The following SYNDIG1L variants were observed in gnomAD, a reference collection of about 807,000 sequenced individuals.
The protein encoded by SYNDIG1L is synapse differentiation-inducing gene protein 1-like.
SYNDIG1L carries 13 observed loss-of-function variants against 20.1 expected under a neutral mutation model. The ratio of observed to expected loss-of-function variants is 0.65; its 90% CI spans 0.42 to 1.03. The LOEUF (loss-of-function observed/expected upper bound fraction) is 1.03, where lower values mean the gene tolerates loss of function less well. SYNDIG1L is among the 50% of genes least tolerant of loss of function. The pLI is 0.00. For missense variants in SYNDIG1L, 294 were observed against 305.1 expected, an observed-to-expected ratio of 0.96 and a Z score of 0.27; for synonymous variants, 128 against 129.3, an observed-to-expected ratio of 0.99 and a Z score of 0.07.
At chr14:74,422,556 C>A (rs952877524) in intron 1 of SYNDIG1L, among the ~76,000 whole-genome samples, 1 of 151,840 alleles carries the variant, frequency 6.6e-6, no homozygotes, top group Non-Finnish European at 1.5e-5. Context: ...CAGTGATGTG[C>A]AGATATCTCT....
rs2086175615 is a variant in SYNDIG1L, at chr14:74,416,477, T to TA, written c.-57-6677dup. On this transcript the variant is annotated intron_variant, in intron 1 of 3. Coordinates refer to ENST00000331628, the MANE Select transcript of SYNDIG1L (RefSeq NM_001105579.2). ...AATGAAACCCCATCTCTACAAAAAA[T>TA]AAAAAAATCAATCAGGTGTGGTGGT... Among the ~76,000 whole-genome samples, 3 of 151,904 alleles carry TA rather than the reference T, an allele frequency of 2.0e-5. No homozygotes were observed. The South Asian group carries it at 6.2e-4, about 32-fold the overall frequency.
the SYNDIG1L span, among the ~76,000 whole-genome samples, chr14:74,470,504 G>T: frequency 5.3e-5 from 8 of 152,304 alleles, no homozygotes; most frequent in African/African-American, 1.9e-4. Context: ...AAATGAAGGC[G>T]GTAGGCATAG....
chr14:74,445,272 T>A, the SYNDIG1L span, among the ~76,000 whole-genome samples: 5 of 152,288 alleles, frequency 3.3e-5, no homozygotes, highest in African/African-American at 1.2e-4. Flanking sequence ...TTATGCTTTG[T>A]GTACAGACTG....
the SYNDIG1L span, among the ~76,000 whole-genome samples, chr14:74,441,029 A>T: frequency 2.6e-5 from 4 of 152,350 alleles, no homozygotes; most frequent in South Asian, 8.3e-4. Context: ...TGTATAAACA[A>T]GAAAAGATAA....
At chr14:74,420,878 C>T (rs1000327462) in intron 1 of SYNDIG1L, among the ~76,000 whole-genome samples, 5 of 152,292 alleles carry the variant, frequency 3.3e-5, no homozygotes, top group African/African-American at 1.2e-4. Flanking sequence ...GTAAGAACAA[C>T]TCCCATTCAG....
At position 74,407,170 on chromosome 14, in the gene SYNDIG1L, C is replaced by A; in HGVS notation, c.*365G>T. 3.4e-6 allele frequency: 1 copy of A among 289,976 alleles called. No homozygotes were observed. Among genetic ancestry groups the A allele is most frequent in the South Asian group, 4.1e-5 (1 of 24,386 alleles). The allele number at this position is 289,976 out of a possible 1,614,324, so 18.0% of individuals were successfully genotyped here. On this transcript the variant is annotated 3_prime_UTR_variant, in exon 4 of 4. Coordinates refer to ENST00000331628, the MANE Select transcript of SYNDIG1L (RefSeq NM_001105579.2). ...TTCTCCCTGTAACCTCCTGCTCTTT[C>A]TCTGTGGGGAGGTTGGCAGGGTAGG...
At chr14:74,478,663 T>C in the SYNDIG1L span, among the ~76,000 whole-genome samples, 1 of 152,200 alleles carries the variant, frequency 6.6e-6, no homozygotes, top group African/African-American at 2.4e-5. Context: ...ATTGAGCTTT[T>C]CCAGGCCTTT....
At chr14:74,449,209 G>T in the SYNDIG1L span, among the ~76,000 whole-genome samples, 1 of 151,168 alleles carries the variant, frequency 6.6e-6, no homozygotes, top group East Asian at 1.9e-4. Context: ...GTCCAGCTTG[G>T]GTGACAGAGC....
upstream of SYNDIG1L, among the ~76,000 whole-genome samples, chr14:74,430,302 TG>T (rs918535285): frequency 6.6e-6 from 1 of 152,124 alleles, no homozygotes; most frequent in African/African-American, 2.4e-5. Context: ...CCCACTTTGC[TG>T]GAGCAAGGAT....
At chr14:74,461,746 A>G in the SYNDIG1L span, among the ~76,000 whole-genome samples, 1 of 151,166 alleles carries the variant, frequency 6.6e-6, no homozygotes, top group African/African-American at 2.4e-5. Flanking sequence ...CTTCTGTAAC[A>G]TATTACCCCA....
intron 1 of SYNDIG1L, among the ~76,000 whole-genome samples, chr14:74,424,332 C>A (rs909220930): frequency 2.0e-5 from 3 of 152,174 alleles, no homozygotes; most frequent in Non-Finnish European, 4.4e-5. Flanking sequence ...GGGCTTCTGA[C>A]TCCCAGTTAA....
chr14:74,438,900 G>A, the SYNDIG1L span, among the ~76,000 whole-genome samples: 2 of 152,194 alleles, frequency 1.3e-5, no homozygotes, highest in East Asian at 1.9e-4. Flanking sequence ...TTCTTCTGAA[G>A]TCAGGTGTTC....
chr14:74,451,889 C>T, the SYNDIG1L span, among the ~76,000 whole-genome samples: 1 of 146,944 alleles, frequency 6.8e-6, no homozygotes, highest in South Asian at 2.2e-4. Flanking sequence ...ACTTGGGAGG[C>T]TGAAGTGGGA....
chr14:74,412,461 CAGTG>C (rs1442699392), intron 1 of SYNDIG1L, among the ~76,000 whole-genome samples: 2 of 152,198 alleles, frequency 1.3e-5, no homozygotes, highest in Non-Finnish European at 2.9e-5. Context: ...TCAGTTTCCC[CAGTG>C]AGTGATTGTA....
upstream of SYNDIG1L, among the ~76,000 whole-genome samples, chr14:74,428,000 C>T (rs944177082): frequency 6.6e-6 from 1 of 152,204 alleles, no homozygotes; most frequent in Non-Finnish European, 1.5e-5. Flanking sequence ...AAGCAAAAGC[C>T]GCATATAAAT....
chr14:74,458,147 C>A, the SYNDIG1L span, among the ~76,000 whole-genome samples: 2 of 152,024 alleles, frequency 1.3e-5, no homozygotes, highest in African/African-American at 4.8e-5. Flanking sequence ...CCCCTTTAAA[C>A]CTCAGTTTTT....
At chr14:74,410,260 C>T (rs1277596754) in intron 1 of SYNDIG1L, among the ~76,000 whole-genome samples, 1 of 152,120 alleles carries the variant, frequency 6.6e-6, no homozygotes, top group African/African-American at 2.4e-5. Flanking sequence ...GACACAGAGA[C>T]CCAGGGAAGG....
chr14:74,478,559 CAG>C, the SYNDIG1L span, among the ~76,000 whole-genome samples: 2 of 152,118 alleles, frequency 1.3e-5, no homozygotes, highest in African/African-American at 4.8e-5. Context: ...AACACAAGGG[CAG>C]AGGAGTATGC....
chr14:74,409,530 C>A lies in SYNDIG1L; in HGVS notation c.215G>T (p.Cys72Phe). ...LAVEAWYRPS[C>F]LLGRDKVKEP... is the part of the protein sequence containing the mutation. ...CTTGACCTTGTCTCTCCCCAGGAGG[C>A]AGCTGGGCCGGTACCAGGCCTCCAC... The change falls in exon 2 of 4, where the codon TGC becomes TTC. Residue 72 changes from cysteine (C) to phenylalanine (F), a missense_variant. By Grantham distance (205) the Cys-to-Phe change is radical. Transcript: ENST00000331628. 1 of 1,586,708 alleles carries A rather than the reference C, an allele frequency of 6.3e-7. No homozygotes were observed.
Sources: gnomAD v4.1 joint callset for allele counts (sites outside exome capture counted in the v4.1 genomes callset) on GRCh38, gnomAD v4.1.1 for gene constraint, MANE v1.5 for transcripts, NCBI Gene and HGNC (gene_info 2026-07-23, HGNC 2026-07-21) for gene names.